The following ALAD variants were observed in gnomAD, a reference collection of about 807,000 sequenced individuals.
ALAD encodes aminolevulinate dehydratase.
A neutral mutation model predicts 44.4 loss-of-function variants in ALAD; 20 were observed. That is an observed-to-expected ratio of 0.45 (90% confidence interval 0.32 to 0.65). The LOEUF is 0.65. ALAD is among the 30% of genes least tolerant of loss of function. The probability of loss-of-function intolerance (pLI) is 0.05; values close to 1 mark genes in which losing one functional copy is unlikely to be tolerated. For synonymous variants in ALAD, 156 were observed against 167.9 expected (o/e 0.93, Z 0.55); for missense variants, 323 against 445.7 (o/e 0.72, Z 2.48).
Position 113,387,324 on chromosome 9 carries a change from CA to C in ALAD, c.*975del, listed in dbSNP as rs1268462458. 2 of 152,228 alleles carry C rather than the reference CA, an allele frequency of 1.3e-5. No homozygotes were observed. Among genetic ancestry groups the C allele is most frequent in the African/African-American group, 4.8e-5 (2 of 41,442 alleles). 9.4% of individuals were successfully genotyped at this position (152,228 alleles called of 1,614,324 possible). A position where few individuals can be genotyped will look rare whatever the true frequency, so the allele number is the denominator to read the frequency against. ...TTCAGGGAAGTATTTTCTGATCCTT[CA>C]AAGAGGTCAGGTCCTGGTGACCTCC... On this transcript the variant is annotated 3_prime_UTR_variant, in exon 12 of 12. Coordinates refer to ENST00000409155, the MANE Select transcript of ALAD (RefSeq NM_000031.6).
Position 113,390,634 on chromosome 9 carries a change from C to T in ALAD, c.440G>A (p.Arg147His), listed in dbSNP as rs151178281. 2.1e-5 allele frequency: 34 copies of T among 1,614,020 alleles called. No individual in the cohort carries two copies. Among genetic ancestry groups the T allele is most frequent in the Non-Finnish European group, 2.6e-5 (31 of 1,180,022 alleles). The change falls in exon 6 of 12, where the codon CGC (arginine) becomes CAC (histidine). Residue 147 changes from arginine (R) to histidine (H), a missense_variant. Coordinates refer to ENST00000409155, the MANE Select transcript of ALAD (RefSeq NM_000031.6). ...CAATGCCACCTCAGCCAGCCGCTGG[C>T]GGCTCTCCTCAGCCCGGAATGCTCC... ...ENGAFRAEES[R>H]QRLAEVALAY...
At chr9:113,388,650 T>C (rs891965235) in intron 11 of ALAD, among the ~76,000 whole-genome samples, 3 of 152,172 alleles carry the variant, frequency 2.0e-5, no homozygotes, top group African/African-American at 7.2e-5. Context: ...GAGTCCCCTT[T>C]ATGGAGTGAT....
intron 10 of ALAD, 75 bp from the exon 11 acceptor site, chr9:113,389,181 C>T: frequency 1.3e-6 from 2 of 1,589,938 alleles, no homozygotes; most frequent in Non-Finnish European, 1.7e-6. Flanking sequence ...TTCCCCCCTG[C>T]TCAATCTGTG....
intron 2 of ALAD, 86 bp downstream of exon 2, chr9:113,393,361 A>G: frequency 1.5e-6 from 2 of 1,297,986 alleles, no homozygotes; most frequent in South Asian, 1.2e-5. Context: ...CCCCAGCCAT[A>G]CTGATGCCCG....
chr9:113,394,738 C>T (rs184334930), intron 1 of ALAD, among the ~76,000 whole-genome samples: 1 of 152,112 alleles, frequency 6.6e-6, no homozygotes, highest in Admixed American at 6.5e-5. Flanking sequence ...GAAAAATCCC[C>T]TGCAATTCTA....
chr9:113,392,315 C>G lies in ALAD; in HGVS notation c.114-146G>C. 3.8e-6 allele frequency: 6 copies of G among 1,561,156 alleles called. No individual in the cohort carries two copies. The South Asian group carries it at 7.2e-5, about 19-fold the overall frequency. On this transcript the variant is annotated intron_variant, in intron 2 of 11. Transcript: ENST00000409155. ...GGATGGGATCCAGTGTCTGGCTTCC[C>G]TGCCTGGCCAAGCCCAGGGCCTGAA...
At chr9:113,398,141 A>C (rs141687044) in intron 1 of ALAD, 2 of 152,362 alleles carry the variant, frequency 1.3e-5, no homozygotes, top group Admixed American at 1.3e-4. Context: ...AGACAGAAGA[A>C]ACAAAAGAAA....
chr9:113,389,749 A>C (rs1450651613), intron 8 of ALAD, 24 bp downstream of exon 8: 1 of 1,614,242 alleles, frequency 6.2e-7, no homozygotes, highest in Non-Finnish European at 8.5e-7. Context: ...GATTCACAGC[A>C]GACCCCTGCC....
intron 4 of ALAD, 60 bp downstream of exon 4, chr9:113,391,467 G>C (rs2118991997): frequency 5.3e-6 from 8 of 1,509,938 alleles, no homozygotes; most frequent in Middle Eastern, 1.7e-4. Flanking sequence ...GCCTCCCAAA[G>C]TGCTGGGATT....
In ALAD at chr9:113,389,773, C is replaced by T. The variant is rs201127458; in HGVS notation, c.626G>A (p.Arg209Gln). Residue 209 changes from arginine to glutamine, a missense_variant and splice_region_variant, in exon 8 of 12, where the codon CGG becomes CAG. Arg to Gln is a conservative substitution (Grantham distance 43, BLOSUM62 1). Transcript: ENST00000409155. Reference sequence around the variant, plus strand: ...CAGACCCCTGCCCACCCCTGCTCACCGGAAAGGGCCATAGAAACAGGAAGC... The same window carrying T: ...CAGACCCCTGCCCACCCCTGCTCACTGGAAAGGGCCATAGAAACAGGAAGC... The part of the protein sequence containing the change: ...KFASCFYGPF[R>Q]DAAKSSPAFG... 3.9e-5 allele frequency: 63 copies of T among 1,614,132 alleles called. No individual in the cohort carries two copies. Among genetic ancestry groups the T allele is most frequent in the East Asian group, 4.5e-5 (2 of 44,894 alleles).
At chr9:113,391,440 G>A in intron 4 of ALAD, 87 bp downstream of exon 4, 6 of 1,169,044 alleles carry the variant, frequency 5.1e-6, no homozygotes, top group Admixed American at 1.8e-5. Flanking sequence ...CTGGGCTCAA[G>A]TGATCCACCC....
Position 113,387,997 on chromosome 9 carries a change from G to T in ALAD, c.*303C>A. ...GCCAGGCCCCAAAGGCTGTGCCCCC[G>T]ACTCCAGGTTGCTTTCAAGCTGAAG... On this transcript the variant is annotated 3_prime_UTR_variant, in exon 12 of 12. Coordinates refer to ENST00000409155, the MANE Select transcript of ALAD (RefSeq NM_000031.6). The T allele has an allele frequency of 2.3e-6, 1 of 437,762 alleles. No individual in the cohort carries two copies. The highest frequency in any genetic ancestry group is 3.4e-5 in the Admixed American group (1 of 29,022). 27.1% of individuals were successfully genotyped at this position (437,762 alleles called of 1,614,324 possible).
At position 113,389,839 on chromosome 9, in the gene ALAD, A is replaced by C; in HGVS notation, c.571-11T>G. 1.2e-6 allele frequency: 2 copies of C among 1,614,208 alleles called. No homozygotes were observed. The highest frequency in any genetic ancestry group is 1.7e-6 in the Non-Finnish European group (2 of 1,180,046). On this transcript the variant is annotated splice_polypyrimidine_tract_variant and intron_variant, in intron 7 of 11. Transcript: ENST00000409155. ...GCTCATCACCGATACCTATGGGGAG[A>C]CAATGGAGGTCTTGGCTTATTCGGC...
In ALAD at chr9:113,393,910, T is replaced by C. The variant is rs139845934; in HGVS notation, c.-75-276A>G. 1.4e-4 allele frequency among the ~76,000 whole-genome samples: 21 copies of C among 152,176 alleles called. No homozygotes were observed. The East Asian group carries it at 3.7e-3, about 27-fold the overall frequency. ...TCATTATTATCTTTTAAAGTAAACA[T>C]CTGAGCAAGCAATGACTGTTTAAAA... On this transcript the variant is annotated intron_variant, in intron 1 of 11. Transcript: ENST00000409155.
Position 113,392,110 on chromosome 9 carries a change from G to A in ALAD, c.164+9C>T, listed in dbSNP as rs778793010. The stretch of plus-strand genomic sequence containing the variant: ...CCACCCGCTGGCCCCCCAACTCCAC[G>A]TCTCCTACCTGGCCACTCCTGGGAG... On this transcript the variant is annotated intron_variant, in intron 3 of 11. Coordinates refer to ENST00000409155, the MANE Select transcript of ALAD (RefSeq NM_000031.6). 31 of 1,608,414 alleles carry A rather than the reference G, an allele frequency of 1.9e-5. No individual in the cohort carries two copies. The highest frequency in any genetic ancestry group is 4.0e-5 in the African/African-American group (3 of 74,772).
intron 1 of ALAD, among the ~76,000 whole-genome samples, chr9:113,395,003 C>T (rs1044941206): frequency 2.0e-5 from 3 of 150,946 alleles, no homozygotes; most frequent in Non-Finnish European, 3.0e-5. Context: ...TGCAGTAAGC[C>T]GAGATAGCGC....
At chr9:113,389,932 G>T in intron 7 of ALAD, 104 bp from the exon 8 acceptor site, 1 of 1,388,034 alleles carries the variant, frequency 7.2e-7, no homozygotes, top group Non-Finnish European at 1.0e-6. Context: ...GAGACTGCCT[G>T]TGTTCTGGTC....
At chr9:113,393,720 T>C in intron 1 of ALAD, 86 bp from the exon 2 acceptor site, 1 of 631,284 alleles carries the variant, frequency 1.6e-6, no homozygotes. Flanking sequence ...TCTAGATTCC[T>C]GCCTCCCCTC....
chr9:113,388,258 A>G lies in ALAD; in HGVS notation c.*42T>C. On this transcript the variant is annotated 3_prime_UTR_variant, in exon 12 of 12. Transcript: ENST00000409155. Reference sequence around the variant, plus strand: ...GTTTTCACTTGTCTGAGGCCCCGGGAACGTTTTAAAGTTCTAGTTCTTGGG... The same window carrying G: ...GTTTTCACTTGTCTGAGGCCCCGGGGACGTTTTAAAGTTCTAGTTCTTGGG... 1 of 1,605,030 alleles carries G rather than the reference A, an allele frequency of 6.2e-7. No homozygotes were observed. Among genetic ancestry groups the G allele is most frequent in the Non-Finnish European group, 8.5e-7 (1 of 1,171,762 alleles).
Sources: allele counts gnomAD v4.1 joint callset (sites outside exome capture counted in the v4.1 genomes callset), GRCh38; gene constraint gnomAD v4.1.1; transcripts MANE v1.5; gene names NCBI Gene and HGNC (gene_info 2026-07-23, HGNC 2026-07-21).